Variants in EDN1 observed in about 807,000 individuals in gnomAD.
The protein encoded by EDN1 is endothelin 1, also known as endothelin-1.
EDN1 carries 11 observed loss-of-function variants against 21.7 expected under a neutral mutation model. That is an observed-to-expected ratio of 0.51 (90% CI 0.32 to 0.84). The LOEUF (loss-of-function observed/expected upper bound fraction) is 0.84, where lower values mean the gene tolerates loss of function less well. Among genes scored for constraint, EDN1 ranks in the 40% least tolerant of loss-of-function variants. The probability of loss-of-function intolerance (pLI) is 0.03; values close to 1 mark genes in which losing one functional copy is unlikely to be tolerated. For synonymous variants in EDN1, 85 were observed against 90.6 expected (o/e 0.94, Z 0.35); for missense variants, 244 against 262.3 (o/e 0.93, Z 0.48).
chr6:12,291,565 T>C (rs1404170126), intron 1 of EDN1, among the ~76,000 whole-genome samples: 1 of 152,208 alleles, frequency 6.6e-6, no homozygotes, highest in Non-Finnish European at 1.5e-5. Flanking sequence ...ATTGGGCAGA[T>C]AAGCTGCATG....
chr6:12,290,534 A>G lies in EDN1; in HGVS notation c.-96A>G. The G allele has an allele frequency of 1.0e-6, 1 of 1,001,962 alleles. No individual in the cohort carries two copies. The highest frequency in any genetic ancestry group is 1.6e-6 in the Non-Finnish European group (1 of 633,412). The allele number at this position is 1,001,962 out of a possible 1,614,324, so 62.1% of individuals were successfully genotyped here. A position where few individuals can be genotyped will look rare whatever the true frequency, so the allele number is the denominator to read the frequency against. ...GGCTGAAGGATCGCTTTGAGATCTG[A>G]GGAACCCGCAGCGCTTTGAGGGACC... is the stretch of plus-strand genomic sequence containing the variant. On this transcript the variant is annotated 5_prime_UTR_variant, in exon 1 of 5. Coordinates refer to ENST00000379375, the MANE Select transcript of EDN1 (RefSeq NM_001955.5).
chr6:12,293,826 T>G (rs772057081), intron 2 of EDN1, 115 bp from the exon 3 acceptor site: 1 of 1,179,280 alleles, frequency 8.5e-7, no homozygotes, highest in Non-Finnish European at 1.2e-6. Context: ...GAAATGATGC[T>G]CCCAAGTGCT....
At chr6:12,247,818 T>G in the EDN1 span, among the ~76,000 whole-genome samples, 1 of 151,986 alleles carries the variant, frequency 6.6e-6, no homozygotes, top group Non-Finnish European at 1.5e-5. Flanking sequence ...GGATTACAGG[T>G]GTCAGCAACC....
the EDN1 span, among the ~76,000 whole-genome samples, chr6:12,282,737 C>T: frequency 6.6e-6 from 1 of 152,102 alleles, no homozygotes; most frequent in African/African-American, 2.4e-5. Context: ...TTTTCTTTTT[C>T]CCACATTTCT....
rs1253257827 is a variant in EDN1 at position 12,295,849 on chromosome 6, T to C, written c.534-113T>C. 4 of 1,048,580 alleles carry C rather than the reference T, an allele frequency of 3.8e-6. No homozygotes were observed. The East Asian group carries it at 1.0e-4, about 27-fold the overall frequency. 65.0% of individuals were successfully genotyped at this position (1,048,580 alleles called of 1,614,324 possible). ...AAAGAGTTGCGGCGGGTGGTGAAAG[T>C]TCACAACCAGATTCAGGTTTTGTTT... On this transcript the variant is annotated intron_variant, in intron 4 of 4. Coordinates refer to ENST00000379375, the MANE Select transcript of EDN1 (RefSeq NM_001955.5).
chr6:12,271,872 G>T, the EDN1 span, among the ~76,000 whole-genome samples: 2 of 152,140 alleles, frequency 1.3e-5, no homozygotes, highest in African/African-American at 4.8e-5. Flanking sequence ...ATGACACTTT[G>T]AATGTATTAT....
the EDN1 span, among the ~76,000 whole-genome samples, chr6:12,271,829 T>C: frequency 6.6e-6 from 1 of 152,362 alleles, no homozygotes; most frequent in South Asian, 2.1e-4. Context: ...TGAAGATAGC[T>C]TTCCTGAGCA....
chr6:12,293,003 A>G (rs1431940828), intron 2 of EDN1, among the ~76,000 whole-genome samples: 1 of 152,242 alleles, frequency 6.6e-6, no homozygotes, highest in African/African-American at 2.4e-5. Flanking sequence ...AGTTTGTAGC[A>G]GAGCTAGAAC....
the EDN1 span, among the ~76,000 whole-genome samples, chr6:12,254,756 A>G: frequency 3.4e-4 from 51 of 152,200 alleles, no homozygotes; most frequent in Non-Finnish European, 6.3e-4. Flanking sequence ...GTAGCATTTT[A>G]TATATAATCA....
intron 1 of EDN1, 44 bp downstream of exon 1, chr6:12,290,737 G>A (rs1408394899): frequency 1.3e-6 from 2 of 1,532,936 alleles, no homozygotes; most frequent in Non-Finnish European, 1.8e-6. Context: ...TTACAAGTTA[G>A]TGTGTTCTTA....
At position 12,294,375 on chromosome 6, in the gene EDN1, A is replaced by C. The variant is rs754988566; in HGVS notation, c.504A>C (p.Arg168Ser). 1 of 1,614,196 alleles carries C rather than the reference A, an allele frequency of 6.2e-7. No individual in the cohort carries two copies. The highest frequency in any genetic ancestry group is 8.5e-7 in the Non-Finnish European group (1 of 1,180,030). Residue 168 changes from arginine to serine, a missense_variant, in exon 4 of 5, where the codon AGA becomes AGC. Arg to Ser is a moderately radical substitution (Grantham distance 110, BLOSUM62 -1). Transcript: ENST00000379375. ...TAGTGAGAGGAAGAAAAATCAGAAG[A>C]AGTTCAGAGGAACACCTAAGACAAA... Reference protein sequence around the residue: ...QQLVRGRKIRRSSEEHLRQTR... With the variant: ...QQLVRGRKIRSSSEEHLRQTR...
At chr6:12,280,806 T>C in the EDN1 span, among the ~76,000 whole-genome samples, 1 of 152,110 alleles carries the variant, frequency 6.6e-6, no homozygotes, top group Non-Finnish European at 1.5e-5. Context: ...TGCAGGAGAA[T>C]CACTTGAATC....
chr6:12,243,572 A>G, the EDN1 span, among the ~76,000 whole-genome samples: 1 of 152,200 alleles, frequency 6.6e-6, no homozygotes, highest in African/African-American at 2.4e-5. Flanking sequence ...CCCAATGTCT[A>G]TACTGGTGCC....
At chr6:12,247,542 T>C in the EDN1 span, among the ~76,000 whole-genome samples, 107 of 136,778 alleles carry the variant, frequency 7.8e-4, no homozygotes, top group South Asian at 4.7e-3. Flanking sequence ...CTTTCTTTTT[T>C]TTTTTTTTTT....
At chr6:12,277,711 G>C in the EDN1 span, among the ~76,000 whole-genome samples, 1 of 152,242 alleles carries the variant, frequency 6.6e-6, no homozygotes, top group Non-Finnish European at 1.5e-5. Flanking sequence ...AAAGAGGACT[G>C]AGTTGGACCA....
chr6:12,256,215 T>C, the EDN1 span, among the ~76,000 whole-genome samples: 1 of 152,060 alleles, frequency 6.6e-6, no homozygotes, highest in Non-Finnish European at 1.5e-5. Flanking sequence ...TAGCCAGACA[T>C]GGTGGTGCAC....
chr6:12,235,953 C>T, the EDN1 span, among the ~76,000 whole-genome samples: 1 of 152,210 alleles, frequency 6.6e-6, no homozygotes, highest in Non-Finnish European at 1.5e-5. Flanking sequence ...TACATCATAA[C>T]AGGGCTATCC....
chr6:12,232,544 G>A, the EDN1 span, among the ~76,000 whole-genome samples: 1 of 152,092 alleles, frequency 6.6e-6, no homozygotes, highest in African/African-American at 2.4e-5. Flanking sequence ...TATTTTCTCT[G>A]AGCCAAGCAG....
intron 4 of EDN1, 100 bp downstream of exon 4, chr6:12,294,504 G>C (rs1762772588): frequency 3.5e-6 from 5 of 1,415,176 alleles, no homozygotes; most frequent in Middle Eastern, 1.8e-4. Context: ...TCTTACCCGG[G>C]CAGGTGAAAG....
Sources: allele counts gnomAD v4.1 joint callset (sites outside exome capture counted in the v4.1 genomes callset), GRCh38; gene constraint gnomAD v4.1.1; transcripts MANE v1.5; gene names NCBI Gene and HGNC (gene_info 2026-07-23, HGNC 2026-07-21).